Variants in PLXNB3 observed in about 807,000 individuals in gnomAD.
The protein encoded by PLXNB3 is plexin B3, also known as plexin-B3.
Under a neutral mutation model 125.7 loss-of-function variants are expected in PLXNB3, and 80 were observed. That is an observed-to-expected ratio of 0.64 (90% CI 0.53 to 0.77). The LOEUF is 0.77. Ranked by LOEUF, PLXNB3 falls within the 30% of genes least tolerant of loss-of-function variation. The probability of loss-of-function intolerance (pLI) is 0.00; values close to 1 mark genes in which losing one functional copy is unlikely to be tolerated. For synonymous variants in PLXNB3, 954 were observed against 783.3 expected (o/e 1.22, Z -3.64); for missense variants, 1,836 against 1,729.3 (o/e 1.06, Z -1.09).
rs782453757 is a variant in PLXNB3 at position 153,775,948 on chromosome X, G to A, written c.4463G>A (p.Gly1488Asp). ...GCCATCCAGTACCAGGTGGACAAAG[G>A]CCCCGTGGACGCCGTGACAGGCAAG... ...FRAIQYQVDK[G>D]PVDAVTGKAK... Residue 1488 changes from glycine to aspartate, a missense_variant, in exon 27 of 36, where the codon GGC (glycine) becomes GAC (aspartate). Gly to Asp is a moderately conservative substitution (Grantham distance 94). Transcript: ENST00000361971. The A allele has an allele frequency of 1.9e-5, 23 of 1,211,320 alleles. No homozygotes were observed. Among genetic ancestry groups the A allele is most frequent in the Non-Finnish European group, 2.5e-5 (22 of 895,476 alleles).
chrX:153,771,511 C>T lies in PLXNB3; in HGVS notation c.2373C>T (p.Gly791=). 1.7e-6 allele frequency: 2 copies of T among 1,205,373 alleles called. No homozygotes were observed. Among genetic ancestry groups the T allele is most frequent in the East Asian group, 3.0e-5 (1 of 33,771 alleles). ...TGATCCTGTACGACTGCGCCATGGG[C>T]CACCCGGACTGCAGCCACTGCCAAG... ...LYVILYDCAM[G]HPDCSHCQAA... The change falls in exon 14 of 36, where the codon GGC becomes GGT. Residue 791 remains glycine, a synonymous_variant. Transcript: ENST00000361971.
intron 1 of PLXNB3, 144 bp from the exon 2 acceptor site, chrX:153,765,327 T>C: frequency 2.2e-6 from 1 of 457,163 alleles, no homozygotes; most frequent in African/African-American, 2.4e-5. Flanking sequence ...GAGGCAGGGC[T>C]GCCTTGGCCT....
chrX:153,768,412 A>G lies in PLXNB3; in HGVS notation c.1250A>G (p.Gln417Arg), dbSNP rs1557060198. 5.0e-6 allele frequency: 6 copies of G among 1,202,373 alleles called. No homozygotes were observed. In the Admixed American group the frequency reaches 6.5e-5, roughly 13 times the overall value. Residue 417 changes from glutamine (Q) to arginine (R), a missense_variant, in exon 4 of 36, where the codon CAG (glutamine) becomes CGG (arginine). Gln to Arg is a conservative substitution (Grantham distance 43). Transcript: ENST00000361971. ...ATGATAGCCTTCCTGGGGGACACCC[A>G]GGGCCAGCTGTACAAGGTGAGGGCC... The part of the protein sequence containing the change: ...GHMIAFLGDT[Q>R]GQLYKVFLHG...
At position 153,770,451 on chromosome X, in the gene PLXNB3, G is replaced by A. The variant is rs2091914535; in HGVS notation, c.1895+5G>A. 8.3e-7 allele frequency: 1 copy of A among 1,204,645 alleles called. No homozygotes were observed. Among genetic ancestry groups the A allele is most frequent in the Non-Finnish European group, 1.1e-6 (1 of 890,061 alleles). Reference sequence around the variant, plus strand: ...GGCCTTGGAGGCGGCTGCCCCGTGAGTCCCTGGGCCTGCCTCCTGGGGTAG... The same window carrying A: ...GGCCTTGGAGGCGGCTGCCCCGTGAATCCCTGGGCCTGCCTCCTGGGGTAG... On this transcript the variant is annotated splice_donor_5th_base_variant and intron_variant, in intron 9 of 35. Coordinates refer to ENST00000361971, the MANE Select transcript of PLXNB3 (RefSeq NM_005393.3).
chrX:153,768,973 A>G lies in PLXNB3; in HGVS notation c.1292A>G (p.Gln431Arg), dbSNP rs2091891920. Reference protein sequence around the residue: ...YKVFLHGSQGQVYHSQQVGPP... With the variant: ...YKVFLHGSQGRVYHSQQVGPP... Reference sequence around the variant, plus strand: ...GTCTTTCTCCACGGCTCCCAGGGCCAGGTTTACCACTCCCAGCAAGTGGGG... The same window carrying G: ...GTCTTTCTCCACGGCTCCCAGGGCCGGGTTTACCACTCCCAGCAAGTGGGG... Residue 431 changes from glutamine (Q) to arginine (R), a missense_variant, in exon 5 of 36, where the codon CAG becomes CGG. Transcript: ENST00000361971. 5.0e-6 allele frequency: 6 copies of G among 1,211,369 alleles called. No homozygotes were observed. The African/African-American group carries it at 6.9e-5, about 14-fold the overall frequency.
At chrX:153,769,335 C>A in intron 6 of PLXNB3, 73 bp downstream of exon 6, 1 of 889,128 alleles carries the variant, frequency 1.1e-6, no homozygotes, top group African/African-American at 2.0e-5. Flanking sequence ...TGGAAGTAGC[C>A]CTAGGCGTGC....
At chrX:153,767,935 C>A (rs1016497128) in intron 3 of PLXNB3, 22 bp downstream of exon 3, 11 of 1,080,751 alleles carry the variant, frequency 1.0e-5, no homozygotes, top group South Asian at 4.7e-5. Flanking sequence ...GCCCTTCCAT[C>A]CCCCCTCTCT....
chrX:153,771,738 C>G, intron 14 of PLXNB3, 83 bp downstream of exon 14: 2 of 1,125,903 alleles, frequency 1.8e-6, no homozygotes, highest in Admixed American at 2.6e-5. Flanking sequence ...TCAGACCAGC[C>G]CTGCCCCAGG....
intron 5 of PLXNB3, 37 bp downstream of exon 5, chrX:153,769,113 G>A (rs201546961): frequency 1.2e-5 from 15 of 1,200,770 alleles, no homozygotes; most frequent in African/African-American, 5.2e-5. Context: ...GCCAGCACAC[G>A]CGGCCCAAGT....
rs1412968429 is a variant in PLXNB3, at chrX:153,775,241, A to G, written c.4172A>G (p.Glu1391Gly). 1 of 1,189,757 alleles carries G rather than the reference A, an allele frequency of 8.4e-7. No individual in the cohort carries two copies. The highest frequency in any genetic ancestry group is 1.1e-6 in the Non-Finnish European group (1 of 884,816). ...CCTGCTCAGCTCATCCACACCCTGG[A>G]GGAGCAGCCCAGCTTTTCCCAGAGG... is the stretch of plus-strand genomic sequence containing the variant. ...LFLLTLIHTL[E>G]EQPSFSQRDR... Residue 1391 changes from glutamate (E) to glycine (G), a missense_variant, in exon 25 of 36, where the codon GAG becomes GGG. Physicochemically the swap from Glu to Gly is moderately conservative, Grantham distance 98. Coordinates refer to ENST00000361971, the MANE Select transcript of PLXNB3 (RefSeq NM_005393.3).
Position 153,773,413 on chromosome X carries a change from G to A in PLXNB3, c.3083+7G>A, listed in dbSNP as rs1557062716. On this transcript the variant is annotated splice_region_variant and intron_variant, in intron 18 of 35. Transcript: ENST00000361971. ...CCAGTGCCAGCTTCCGGGGGTGAGG[G>A]TCAGCCCGCAGGCCAGCCTGTGCAC... 5.0e-6 allele frequency: 6 copies of A among 1,197,010 alleles called. No individual in the cohort carries two copies. The highest frequency in any genetic ancestry group is 6.8e-6 in the Non-Finnish European group (6 of 887,751).
rs1314259821 is a variant in PLXNB3 at position 153,767,899 on chromosome X, G to A, written c.1072G>A (p.Val358Ile). ...TVEYGVTSRC[V>I]TLPLDSPESY... is the part of the protein sequence containing the mutation. ...GGAGTACGGCGTCACGTCGCGCTGC[G>A]TCACCCTGCCCCTTGTGAGTGGCAT... The change falls in exon 3 of 36, where the codon GTC (valine) becomes ATC (isoleucine). Residue 358 changes from valine (V) to isoleucine (I), a missense_variant. Val to Ile is a conservative substitution (Grantham distance 29, BLOSUM62 3). Transcript: ENST00000361971. 20 of 1,097,941 alleles carry A rather than the reference G, an allele frequency of 1.8e-5. No homozygotes were observed. In the South Asian group the frequency reaches 3.6e-4, roughly 20 times the overall value. The allele number at this position is 1,097,941 out of a possible 1,213,427, so 90.5% of individuals were successfully genotyped here. A position where few individuals can be genotyped will look rare whatever the true frequency, so the allele number is the denominator to read the frequency against.
In PLXNB3 at chrX:153,777,668, G is replaced by A. The variant is rs1557064963; in HGVS notation, c.5241G>A (p.Leu1747=). 4.1e-6 allele frequency: 5 copies of A among 1,211,675 alleles called. No individual in the cohort carries two copies. The Admixed American group carries it at 8.7e-5, about 21-fold the overall frequency. ...ACGGCATCGAGGACCCAGGGACCCT[G>A]CACATCTGGAAGACCAACAGGTGCC... ...EKHGIEDPGT[L]HIWKTNSLLL... The change falls in exon 31 of 36, where the codon CTG becomes CTA. Residue 1747 remains leucine, a synonymous_variant. Coordinates refer to ENST00000361971, the MANE Select transcript of PLXNB3 (RefSeq NM_005393.3).
chrX:153,777,904 T>C (rs2092014415), intron 31 of PLXNB3, 44 bp from the exon 32 acceptor site: 1 of 1,174,294 alleles, frequency 8.5e-7, no homozygotes, highest in East Asian at 3.0e-5. Flanking sequence ...GAGATCACGA[T>C]GGCAGGCCAG....
chrX:153,772,965 T>C lies in PLXNB3; in HGVS notation c.2855T>C (p.Leu952Pro). The C allele has an allele frequency of 8.3e-7, 1 of 1,198,036 alleles. No individual in the cohort carries two copies. The highest frequency in any genetic ancestry group is 1.1e-6 in the Non-Finnish European group (1 of 890,071). ...CAGCTCACCATCCGAGGTCAGCACCTCCAGACAGGTGGCAACACCAGTGCC... is the reference window on the plus strand; with the variant it reads ...CAGCTCACCATCCGAGGTCAGCACCCCCAGACAGGTGGCAACACCAGTGCC... ...GTQLTIRGQH[L>P]QTGGNTSAFV... is the part of the protein sequence containing the mutation. The change falls in exon 17 of 36, where the codon CTC becomes CCC. Residue 952 changes from leucine to proline, a missense_variant. Transcript: ENST00000361971.
chrX:153,773,929 C>G lies in PLXNB3; in HGVS notation c.3350C>G (p.Ala1117Gly), dbSNP rs1455833743. The G allele has an allele frequency of 2.5e-6, 3 of 1,209,961 alleles. No individual in the cohort carries two copies. In the African/African-American group the frequency reaches 5.2e-5, roughly 21 times the overall value. The change falls in exon 20 of 36, where the codon GCC becomes GGC. Residue 1117 changes from alanine to glycine, a missense_variant. Coordinates refer to ENST00000361971, the MANE Select transcript of PLXNB3 (RefSeq NM_005393.3). ...LCRSPAVPDR[A>G]HPQRVFFTLD... is the part of the protein sequence containing the mutation. ...CGGAGCCCTGCTGTACCAGACAGAG[C>G]CCACCCGCAGCGGGTCTTCTTCACC...
intron 2 of PLXNB3, chrX:153,766,568 A>G (rs1239090626): frequency 1.9e-5 from 19 of 1,020,687 alleles, no homozygotes; most frequent in Non-Finnish European, 2.3e-5. Flanking sequence ...CCCTTCAACA[A>G]TCTACATGCA....
At position 153,778,598 on chromosome X, in the gene PLXNB3, A is replaced by G; in HGVS notation, c.5551-2A>G. 8.3e-7 allele frequency: 1 copy of G among 1,201,332 alleles called. No individual in the cohort carries two copies. The highest frequency in any genetic ancestry group is 1.8e-5 in the South Asian group (1 of 55,653). Reference sequence around the variant, plus strand: ...CTGCCCCCCTCCACGTGGTGCCCCCAGAACTACACTTCTGCTCCCCACTGT... The same window carrying G: ...CTGCCCCCCTCCACGTGGTGCCCCCGGAACTACACTTCTGCTCCCCACTGT... On this transcript the variant is annotated splice_acceptor_variant, in intron 34 of 35. Coordinates refer to ENST00000361971, the MANE Select transcript of PLXNB3 (RefSeq NM_005393.3). LOFTEE classifies it high-confidence loss of function.
At chrX:153,778,730 C>T in intron 35 of PLXNB3, 56 bp downstream of exon 35, 1 of 1,144,085 alleles carries the variant, frequency 8.7e-7, no homozygotes, top group Non-Finnish European at 1.2e-6. Flanking sequence ...GCCCGTGGAC[C>T]CTCCCGGGGG....
Sources: allele counts gnomAD v4.1 joint callset, GRCh38; gene constraint gnomAD v4.1.1; transcripts MANE v1.5; gene names NCBI Gene and HGNC (gene_info 2026-07-23, HGNC 2026-07-21).